The following DOCK3 variants were observed in gnomAD, a reference collection of about 807,000 sequenced individuals.
The protein encoded by DOCK3 is dedicator of cytokinesis 3.
A neutral mutation model predicts 265.6 loss-of-function variants in DOCK3; 60 were observed. That is an observed-to-expected ratio of 0.23 (90% CI 0.18 to 0.28). The LOEUF (loss-of-function observed/expected upper bound fraction) is 0.28. DOCK3 is among the 10% of genes least tolerant of loss of function. The pLI is 1.00. For synonymous variants in DOCK3, 881 were observed against 938.0 expected (o/e 0.94, Z 1.11); for missense variants, 1,981 against 2,594.3 (o/e 0.76, Z 5.14).
At chr3:51,343,215 G>A (rs1327747669) in intron 38 of DOCK3, among the ~76,000 whole-genome samples, 1 of 152,142 alleles carries the variant, frequency 6.6e-6, no homozygotes, top group Admixed American at 6.5e-5. Context: ...AAGAAAGGAG[G>A]AGCAGGTAGT....
At chr3:51,303,236 T>A (rs1213016696) in intron 27 of DOCK3, among the ~76,000 whole-genome samples, 2 of 152,206 alleles carry the variant, frequency 1.3e-5, no homozygotes, top group Non-Finnish European at 2.9e-5. Flanking sequence ...TGTGAAGTTC[T>A]CATGTTGTAT....
intron 8 of DOCK3, among the ~76,000 whole-genome samples, chr3:51,089,600 T>C (rs2082560660): frequency 6.6e-6 from 1 of 152,142 alleles, no homozygotes; most frequent in African/African-American, 2.4e-5. Context: ...GGCATTTCTT[T>C]AAAATGAGTT....
At chr3:51,062,090 A>T (rs2081430908) in intron 5 of DOCK3, among the ~76,000 whole-genome samples, 1 of 152,084 alleles carries the variant, frequency 6.6e-6, no homozygotes, top group Non-Finnish European at 1.5e-5. Flanking sequence ...TGTTGCACTA[A>T]ATAGCCTCCT....
intron 3 of DOCK3, 119 bp from the exon 4 acceptor site, chr3:50,889,907 G>T: frequency 1.4e-6 from 1 of 727,196 alleles, no homozygotes; most frequent in Non-Finnish European, 2.0e-6. Context: ...ATGCAAAGTG[G>T]TTGCTGTAGC....
intron 2 of DOCK3, among the ~76,000 whole-genome samples, chr3:50,803,926 G>C (rs1239121024): frequency 6.6e-6 from 1 of 150,658 alleles, no homozygotes; most frequent in South Asian, 2.1e-4. Flanking sequence ...GGGTGGAGAC[G>C]CTCCTCACTT....
intron 49 of DOCK3, among the ~76,000 whole-genome samples, chr3:51,367,235 G>A (rs4974098): frequency 0.074 from 11,296 of 152,030 alleles, 985 homozygotes; most frequent in East Asian, 0.33. Context: ...TCCCTTTACC[G>A]TTATGTAATG....
At chr3:51,343,762 C>T (rs2085381926) in intron 38 of DOCK3, among the ~76,000 whole-genome samples, 1 of 152,228 alleles carries the variant, frequency 6.6e-6, no homozygotes, top group Admixed American at 6.5e-5. Context: ...CTGCCTTAGA[C>T]AACACAATCT....
At position 51,355,158 on chromosome 3, in the gene DOCK3, T is replaced by C. The variant is rs181658140; in HGVS notation, c.4249+135T>C. ...CATAGTCCTAAACCTGAGTGTGTCC[T>C]CATTGCTTAGCACACACTTAGCAAG... is the stretch of plus-strand genomic sequence containing the variant. On this transcript the variant is annotated intron_variant, in intron 41 of 52. Transcript: ENST00000266037. 31 of 1,277,724 alleles carry C rather than the reference T, an allele frequency of 2.4e-5. No homozygotes were observed. In the East Asian group the frequency reaches 3.6e-4, roughly 15 times the overall value. 79.1% of individuals were successfully genotyped at this position (1,277,724 alleles called of 1,614,324 possible).
intron 2 of DOCK3, among the ~76,000 whole-genome samples, chr3:50,841,267 A>G (rs1248910176): frequency 1.3e-5 from 2 of 152,220 alleles, no homozygotes; most frequent in African/African-American, 4.8e-5. Flanking sequence ...AAATGAGAGT[A>G]GTGTAGTATA....
At chr3:50,836,909 G>T (rs2045542210) in intron 2 of DOCK3, among the ~76,000 whole-genome samples, 1 of 152,154 alleles carries the variant, frequency 6.6e-6, no homozygotes, top group African/African-American at 2.4e-5. Context: ...TAGGGCAGGG[G>T]CAAAATGCCA....
chr3:50,805,183 A>C (rs1408752290), intron 2 of DOCK3, among the ~76,000 whole-genome samples: 1 of 152,088 alleles, frequency 6.6e-6, no homozygotes, highest in African/African-American at 2.4e-5. Flanking sequence ...TCTTATTTGC[A>C]TGAGTCTTGG....
intron 5 of DOCK3, among the ~76,000 whole-genome samples, chr3:50,991,192 A>T (rs895393577): frequency 2.6e-5 from 4 of 152,202 alleles, no homozygotes; most frequent in African/African-American, 9.7e-5. Flanking sequence ...CACACAAACA[A>T]GCCAACATAA....
intron 5 of DOCK3, among the ~76,000 whole-genome samples, chr3:50,970,948 A>ATATTG (rs1559878922): frequency 1.9e-5 from 1 of 51,758 alleles, no homozygotes; most frequent in Non-Finnish European, 3.4e-5. Context: ...TATATATATA[A>ATATTG]TGTGTGTGTG....
rs1576219736 is a variant in DOCK3, at chr3:50,718,854, G to A, written c.37+43554G>A. Among the ~76,000 whole-genome samples, 5 of 138,602 alleles carry A rather than the reference G, an allele frequency of 3.6e-5. No individual in the cohort carries two copies. In the South Asian group the frequency reaches 1.1e-3, roughly 32 times the overall value. 90.9% of individuals were successfully genotyped at this position (138,602 alleles called of 152,430 possible). On this transcript the variant is annotated intron_variant, in intron 1 of 52. Transcript: ENST00000266037. ...GGCCAGAGTGCAGTGGCACGATCTC[G>A]GCTCACTTGTGCTCCACCTCCTGGG...
At chr3:51,140,891 T>C (rs916786710) in intron 9 of DOCK3, among the ~76,000 whole-genome samples, 1 of 152,236 alleles carries the variant, frequency 6.6e-6, no homozygotes, top group African/African-American at 2.4e-5. Flanking sequence ...GCCATTTGTG[T>C]ATTTTCTTTG....
intron 14 of DOCK3, among the ~76,000 whole-genome samples, chr3:51,217,832 G>C (rs921736275): frequency 1.3e-5 from 2 of 152,106 alleles, no homozygotes; most frequent in Admixed American, 6.5e-5. Flanking sequence ...AAACCTCTAG[G>C]TCAGGCCAGG....
intron 5 of DOCK3, among the ~76,000 whole-genome samples, chr3:51,036,165 G>C (rs2080254076): frequency 6.6e-6 from 1 of 152,152 alleles, no homozygotes; most frequent in Non-Finnish European, 1.5e-5. Context: ...TCAGTCTTCA[G>C]AACTCTCATA....
chr3:51,013,155 T>G (rs1007744927), intron 5 of DOCK3, among the ~76,000 whole-genome samples: 4 of 152,196 alleles, frequency 2.6e-5, no homozygotes, highest in African/African-American at 7.2e-5. Context: ...TTCTGTCACC[T>G]TGTCAAAGTT....
At chr3:51,263,780 G>A (rs1209272982) in intron 23 of DOCK3, among the ~76,000 whole-genome samples, 1 of 152,164 alleles carries the variant, frequency 6.6e-6, no homozygotes, top group African/African-American at 2.4e-5. Context: ...CCTAGTATCT[G>A]ATAAAACAGA....
Sources: gnomAD v4.1 joint callset for allele counts (sites outside exome capture counted in the v4.1 genomes callset) on GRCh38, gnomAD v4.1.1 for gene constraint, MANE v1.5 for transcripts, NCBI Gene and HGNC (gene_info 2026-07-23, HGNC 2026-07-21) for gene names.